Variants in ECE2 observed in about 807,000 individuals in gnomAD.
ECE2 encodes endothelin converting enzyme 2.
ECE2 carries 81 observed loss-of-function variants against 100.6 expected under a neutral mutation model. That is an observed-to-expected ratio of 0.81 (90% confidence interval 0.67 to 0.97). The LOEUF (loss-of-function observed/expected upper bound fraction) is 0.97, where lower values mean the gene tolerates loss of function less well. ECE2 is among the 50% of genes least tolerant of loss of function. The pLI, the probability that ECE2 is intolerant of heterozygous loss-of-function variation, is 0.00. For synonymous variants in ECE2, 391 were observed against 391.5 expected (o/e 1.00, Z 0.02); for missense variants, 911 against 988.1 (o/e 0.92, Z 1.05).
At chr3:184,288,327 AAAAAG>A (rs1560187102) in intron 11 of ECE2, among the ~76,000 whole-genome samples, 2 of 148,876 alleles carry the variant, frequency 1.3e-5, no homozygotes, top group Admixed American at 6.7e-5. Context: ...AAAAAAAAAA[AAAAAG>A]AAAAGAAAAG....
In ECE2 at chr3:184,285,081, A is replaced by G; in HGVS notation, c.1124A>G (p.Glu375Gly). The change falls in exon 9 of 19, where the codon GAG (glutamate) becomes GGG (glycine). Residue 375 changes from glutamate to glycine, a missense_variant. Transcript: ENST00000404464. ...ATGGATTATTTGCAGCAGGTGTCAG[A>G]GCTCATCAACCGCACGGAACCAAGG... Reference protein sequence around the residue: ...YGMDYLQQVSELINRTEPSIL... With the variant: ...YGMDYLQQVSGLINRTEPSIL... 6.2e-7 allele frequency: 1 copy of G among 1,614,136 alleles called. No individual in the cohort carries two copies. The highest frequency in any genetic ancestry group is 8.5e-7 in the Non-Finnish European group (1 of 1,180,006).
At chr3:184,279,170 C>T (rs1184879328) in intron 7 of ECE2, among the ~76,000 whole-genome samples, 2 of 151,760 alleles carry the variant, frequency 1.3e-5, no homozygotes, top group Non-Finnish European at 1.5e-5. Flanking sequence ...ATTAGCCAGT[C>T]GTGGTGGCAG....
intron 6 of ECE2, 88 bp downstream of exon 6, chr3:184,278,401 AC>A (rs1720666767): frequency 2.8e-5 from 44 of 1,584,870 alleles, no homozygotes; most frequent in Non-Finnish European, 3.5e-5. Context: ...GGCTGGGCTG[AC>A]CCCCCGGCCC....
At chr3:184,279,652 A>C (rs999509313) in intron 7 of ECE2, among the ~76,000 whole-genome samples, 1 of 93,016 alleles carries the variant, frequency 1.1e-5, no homozygotes, top group African/African-American at 3.9e-5. Flanking sequence ...ACAAGACTTC[A>C]TCTCAAAAAA....
At chr3:184,281,978 A>C (rs566115358) in intron 7 of ECE2, among the ~76,000 whole-genome samples, 2 of 152,332 alleles carry the variant, frequency 1.3e-5, no homozygotes, top group African/African-American at 2.4e-5. Flanking sequence ...CCGCGCCTGT[A>C]ATCCCAGCCA....
chr3:184,290,692 G>T (rs752701169), intron 15 of ECE2, 25 bp downstream of exon 15: 4 of 1,613,470 alleles, frequency 2.5e-6, no homozygotes, highest in African/African-American at 1.3e-5. Context: ...GGAGGGGCTG[G>T]GTGCTGGGGC....
intron 10 of ECE2, 57 bp downstream of exon 10, chr3:184,285,649 C>T (rs866403258): frequency 3.1e-6 from 4 of 1,283,520 alleles, no homozygotes; most frequent in Middle Eastern, 1.9e-4. Context: ...TGCTGCATAC[C>T]TTCAGTGTGA....
Position 184,285,085 on chromosome 3 carries a change from C to T in ECE2, c.1128C>T (p.Leu376=), listed in dbSNP as rs760097244. 5 of 1,613,920 alleles carry T rather than the reference C, an allele frequency of 3.1e-6. No individual in the cohort carries two copies. In the Admixed American group the frequency reaches 6.7e-5, roughly 22 times the overall value. Residue 376 remains leucine (L), a synonymous_variant, in exon 9 of 19, where the codon CTC becomes CTT. Transcript: ENST00000404464. ...ATTATTTGCAGCAGGTGTCAGAGCTCATCAACCGCACGGAACCAAGGTGTG... is the reference window on the plus strand; with the variant it reads ...ATTATTTGCAGCAGGTGTCAGAGCTTATCAACCGCACGGAACCAAGGTGTG... ...GMDYLQQVSE[L]INRTEPSILN... is the part of the protein sequence containing the mutation.
chr3:184,276,387 G>A (rs1223463054), intron 1 of ECE2, 94 bp from the exon 2 acceptor site: 3 of 1,491,740 alleles, frequency 2.0e-6, no homozygotes, highest in Admixed American at 4.0e-5. Flanking sequence ...TTAGCAGGGC[G>A]GAGGGGTCCG....
chr3:184,289,402 G>A lies in ECE2; in HGVS notation c.1375-35G>A. ...TGGGTGGGGCAGGGATGCATTCAGT[G>A]CAGGGGAAGGCTGACTTTACCTCCT... is the stretch of plus-strand genomic sequence containing the variant. On this transcript the variant is annotated intron_variant, in intron 11 of 18. Transcript: ENST00000404464. This position sits in a 1 kb window ranked among gnomAD's most constrained non-coding sequence, Gnocchi z 4.1. 6.4e-7 allele frequency: 1 copy of A among 1,561,286 alleles called. No homozygotes were observed. The highest frequency in any genetic ancestry group is 8.7e-7 in the Non-Finnish European group (1 of 1,151,104).
chr3:184,277,363 T>C lies in ECE2; in HGVS notation c.375T>C (p.Cys125=). Residue 125 remains cysteine, a synonymous_variant, in exon 4 of 19, where the codon TGT becomes TGC. Transcript: ENST00000404464. ...SPCEDFYQFS[C]GGWIRRNPLP... ...GTGAGGACTTTTACCAGTTCTCCTG[T>C]GGGGGCTGGATTCGGAGGAACCCCC... 2 of 1,614,230 alleles carry C rather than the reference T, an allele frequency of 1.2e-6. No individual in the cohort carries two copies. Among genetic ancestry groups the C allele is most frequent in the Non-Finnish European group, 1.7e-6 (2 of 1,180,036 alleles).
chr3:184,281,439 TGGC>T (rs1456399306), intron 7 of ECE2, among the ~76,000 whole-genome samples: 1 of 152,188 alleles, frequency 6.6e-6, no homozygotes, highest in African/African-American at 2.4e-5. Context: ...GGAAGGCATA[TGGC>T]CAGCCCACTG....
In ECE2 at chr3:184,289,454, C is replaced by A. The variant is rs369611477; in HGVS notation, c.1392C>A (p.Ser464Arg). 160 of 1,608,308 alleles carry A rather than the reference C, an allele frequency of 9.9e-5. No individual in the cohort carries two copies. The highest frequency in any genetic ancestry group is 8.5e-5 in the Non-Finnish European group (100 of 1,177,678). The change falls in exon 12 of 19, where the codon AGC becomes AGA. Residue 464 changes from serine (S) to arginine (R), a missense_variant. By Grantham distance (110) the Ser-to-Arg change is moderately radical. Coordinates refer to ENST00000404464, the MANE Select transcript of ECE2 (RefSeq NM_001100121.2). This position sits in a 1 kb window ranked among gnomAD's most constrained non-coding sequence, Gnocchi z 4.1. ...CCTCCCAGGCAGAGGGGATGATCAG[C>A]GAAATCCGGACCGCATTTGAGGAGG... is the stretch of plus-strand genomic sequence containing the variant. ...QSKEIAEGMI[S>R]EIRTAFEEAL... is the part of the protein sequence containing the mutation.
chr3:184,283,700 A>G (rs1228910548), intron 7 of ECE2, 85 bp from the exon 8 acceptor site: 1 of 1,394,228 alleles, frequency 7.2e-7, no homozygotes, highest in African/African-American at 1.4e-5. Context: ...CAGAAGAGAT[A>G]TTGGGCAGAG....
Position 184,276,977 on chromosome 3 carries a change from C to T in ECE2, c.212C>T (p.Ala71Val), listed in dbSNP as rs1720582566. The T allele has an allele frequency of 3.1e-6, 5 of 1,614,164 alleles. No individual in the cohort carries two copies. The highest frequency in any genetic ancestry group is 4.2e-6 in the Non-Finnish European group (5 of 1,180,016). Reference sequence around the variant, plus strand: ...TTAGCAGGTGCCTCTCTACTGCTGGCTGCACTGCTTCTGGGCTGCCTTGTG... The same window carrying T: ...TTAGCAGGTGCCTCTCTACTGCTGGTTGCACTGCTTCTGGGCTGCCTTGTG... ...LVLAGASLLL[A>V]ALLLGCLVAL... The change falls in exon 3 of 19, where the codon GCT (alanine) becomes GTT (valine). Residue 71 changes from alanine (A) to valine (V), a missense_variant. Physicochemically the swap from Ala to Val is moderately conservative, Grantham distance 64. Coordinates refer to ENST00000404464, the MANE Select transcript of ECE2 (RefSeq NM_001100121.2).
chr3:184,292,108 T>A lies in ECE2; in HGVS notation c.2168T>A (p.Val723Glu). Reference protein sequence around the residue: ...RTPESSHEGLVTDPHSPARFR... With the variant: ...RTPESSHEGLETDPHSPARFR... ...CCAGAGAGCTCTCACGAGGGGCTGGTGACCGACCCCCACAGCCCTGCCCGC... is the reference window on the plus strand; with the variant it reads ...CCAGAGAGCTCTCACGAGGGGCTGGAGACCGACCCCCACAGCCCTGCCCGC... Residue 723 changes from valine to glutamate, a missense_variant, in exon 19 of 19, where the codon GTG becomes GAG. Physicochemically the swap from Val to Glu is moderately radical, Grantham distance 121. Coordinates refer to ENST00000404464, the MANE Select transcript of ECE2 (RefSeq NM_001100121.2). 2 of 1,613,946 alleles carry A rather than the reference T, an allele frequency of 1.2e-6. No individual in the cohort carries two copies. The highest frequency in any genetic ancestry group is 1.7e-6 in the Non-Finnish European group (2 of 1,179,986).
chr3:184,289,781 T>A lies in ECE2; in HGVS notation c.1551+63T>A. 7.0e-7 allele frequency: 1 copy of A among 1,437,174 alleles called. No individual in the cohort carries two copies. Among genetic ancestry groups the A allele is most frequent in the Non-Finnish European group, 9.4e-7 (1 of 1,059,286 alleles). The allele number at this position is 1,437,174 out of a possible 1,614,324, so 89.0% of individuals were successfully genotyped here. ...TGTAGAGGGCACTGTTCCCTGGGCT[T>A]AGAAATTGGGGCTCAAGCACTGGGA... is the stretch of plus-strand genomic sequence containing the variant. On this transcript the variant is annotated intron_variant, in intron 13 of 18. Coordinates refer to ENST00000404464, the MANE Select transcript of ECE2 (RefSeq NM_001100121.2). This position sits in a 1 kb window ranked among gnomAD's most constrained non-coding sequence, Gnocchi z 4.1.
intron 10 of ECE2, among the ~76,000 whole-genome samples, chr3:184,287,444 C>A (rs1159939772): frequency 6.6e-6 from 1 of 152,122 alleles, no homozygotes; most frequent in Non-Finnish European, 1.5e-5. Context: ...TTAATCCCAG[C>A]ACTTTGGGAG....
At chr3:184,285,249 T>C (rs1026295208) in intron 9 of ECE2, 144 bp downstream of exon 9, 1 of 1,250,838 alleles carries the variant, frequency 8.0e-7, no homozygotes, top group Non-Finnish European at 1.1e-6. Flanking sequence ...TATGGGCTTT[T>C]CCTCTGCGCT....
Sources: gnomAD v4.1 joint callset for allele counts (sites outside exome capture counted in the v4.1 genomes callset) on GRCh38, gnomAD v4.1.1 for gene constraint, Gnocchi (gnomAD v3.1) non-coding constraint, MANE v1.5 for transcripts, NCBI Gene and HGNC (gene_info 2026-07-23, HGNC 2026-07-21) for gene names.